The following CHD5 variants were observed in gnomAD, a reference collection of about 807,000 sequenced individuals.
The protein encoded by CHD5 is ATP-dependent chromatin remodeler CHD5.
A neutral mutation model predicts 230.3 loss-of-function variants in CHD5; 69 were observed. That is an observed-to-expected ratio of 0.30 (90% CI 0.25 to 0.37). The LOEUF is 0.37. Ranked by LOEUF, CHD5 falls within the 10% of genes least tolerant of loss-of-function variation. The pLI, the probability that CHD5 is intolerant of heterozygous loss-of-function variation, is 1.00. For missense variants in CHD5, 1,827 were observed against 2,622.8 expected, an observed-to-expected ratio of 0.70 and a Z score of 6.63; for synonymous variants, 1,064 against 1,065.9, an observed-to-expected ratio of 1.00 and a Z score of 0.03.
At position 6,170,923 on chromosome 1, in the gene CHD5, G is replaced by A. The variant is rs545831811; in HGVS notation, c.80-2646C>T. On this transcript the variant is annotated intron_variant, in intron 1 of 41. Coordinates refer to ENST00000262450, the MANE Select transcript of CHD5 (RefSeq NM_015557.3). ...CCACAACTGCCCGCTCTGCCACCGGGCCTCCGCCTCCCCCGCCACCGCAGG... is the reference window on the plus strand; with the variant it reads ...CCACAACTGCCCGCTCTGCCACCGGACCTCCGCCTCCCCCGCCACCGCAGG... Among the ~76,000 whole-genome samples the A allele has an allele frequency of 2.6e-3, 397 of 152,312 alleles. 2 individuals are homozygous for A. The highest frequency in any genetic ancestry group is 4.5e-3 in the Non-Finnish European group (303 of 68,020).
At chr1:6,170,765 C>G (rs574462564) in intron 1 of CHD5, among the ~76,000 whole-genome samples, 3 of 152,214 alleles carry the variant, frequency 2.0e-5, no homozygotes, top group Non-Finnish European at 1.5e-5. Flanking sequence ...TGTGGAAAGG[C>G]GGGGATTTTT....
At chr1:6,119,986 G>A (rs1666444056) in intron 33 of CHD5, among the ~76,000 whole-genome samples, 1 of 151,664 alleles carries the variant, frequency 6.6e-6, no homozygotes, top group Admixed American at 6.6e-5. Context: ...TCAGTCTCCT[G>A]AGTAGCTGGG....
At chr1:6,160,620 G>C (rs1667161167) in intron 2 of CHD5, among the ~76,000 whole-genome samples, 1 of 152,282 alleles carries the variant, frequency 6.6e-6, no homozygotes, top group African/African-American at 2.4e-5. Context: ...AATTAATGCA[G>C]CAGGCACATC....
At position 6,155,600 on chromosome 1, in the gene CHD5, T is replaced by G; in HGVS notation, c.505A>C (p.Arg169=). ...GAACAGCCCTAGTGCCCCGCCCACC[T>G]GAGGAACTGGCTGAAGGCCTTGTAG... ...TNYKAFSQFL[R]PLIAKKNPKI... is the part of the protein sequence containing the mutation. The change falls in exon 4 of 42, where the codon AGG becomes CGG. Residue 169 remains arginine, a splice_region_variant and synonymous_variant. Coordinates refer to ENST00000262450, the MANE Select transcript of CHD5 (RefSeq NM_015557.3). This position sits in a 1 kb window ranked among gnomAD's most constrained non-coding sequence, Gnocchi z 4.0. The G allele has an allele frequency of 1.2e-6, 2 of 1,611,720 alleles. No individual in the cohort carries two copies. Among genetic ancestry groups the G allele is most frequent in the Non-Finnish European group, 1.7e-6 (2 of 1,177,944 alleles).
chr1:6,168,476 C>A (rs1667288237), intron 1 of CHD5, among the ~76,000 whole-genome samples, 199 bp from the exon 2 acceptor site: 1 of 152,242 alleles, frequency 6.6e-6, no homozygotes, highest in Admixed American at 6.5e-5. Context: ...TGTGACATCA[C>A]CTCACCTCCA....
At position 6,106,925 on chromosome 1, in the gene CHD5, G is replaced by A. The variant is rs1368004308; in HGVS notation, c.5579-146C>T. 21 of 315,122 alleles carry A rather than the reference G, an allele frequency of 6.7e-5. No individual in the cohort carries two copies. In the East Asian group the frequency reaches 1.3e-3, roughly 20 times the overall value. The allele number at this position is 315,122 out of a possible 1,614,324, so 19.5% of individuals were successfully genotyped here. ...AGGGATGGAAGGATGGAGGGATGGAGGGGTGGAGGGGTGGAGGGATGGAGG... is the reference window on the plus strand; with the variant it reads ...AGGGATGGAAGGATGGAGGGATGGAAGGGTGGAGGGGTGGAGGGATGGAGG... On this transcript the variant is annotated intron_variant, in intron 38 of 41. Transcript: ENST00000262450.
chr1:6,152,392 GCACACACGCA>G lies in CHD5; in HGVS notation c.870+10_870+19del. ...CATGCATGCAAATGCACACACACGC[GCACACACGCA>G]CACACTCACCGAGGAGCCTTTCTTC... On this transcript the variant is annotated intron_variant, in intron 6 of 41. Coordinates refer to ENST00000262450, the MANE Select transcript of CHD5 (RefSeq NM_015557.3). 1 of 1,606,778 alleles carries G rather than the reference GCACACACGCA, an allele frequency of 6.2e-7. No individual in the cohort carries two copies. Among genetic ancestry groups the G allele is most frequent in the Non-Finnish European group, 8.5e-7 (1 of 1,176,338 alleles).
At chr1:6,119,996 G>C (rs1368974459) in intron 33 of CHD5, among the ~76,000 whole-genome samples, 3 of 151,834 alleles carry the variant, frequency 2.0e-5, no homozygotes, top group Non-Finnish European at 2.9e-5. Flanking sequence ...GAGTAGCTGG[G>C]ACTACAGGTG....
At chr1:6,124,434 T>G in intron 30 of CHD5, 83 bp downstream of exon 30, 1 of 1,498,364 alleles carries the variant, frequency 6.7e-7, no homozygotes, top group African/African-American at 1.4e-5. Context: ...AGGCACTTGT[T>G]CTCTGACCAC....
chr1:6,134,675 T>C lies in CHD5; in HGVS notation c.3012+43A>G, dbSNP rs1666712272. 3 of 1,597,220 alleles carry C rather than the reference T, an allele frequency of 1.9e-6. No individual in the cohort carries two copies. Among genetic ancestry groups the C allele is most frequent in the Non-Finnish European group, 2.6e-6 (3 of 1,174,154 alleles). ...CCATGGCGGCCACAGGCACCTACCA[T>C]GGCGGTCATGGAGAAGCTGCCATGA... On this transcript the variant is annotated intron_variant, in intron 19 of 41. Transcript: ENST00000262450. This position sits in a 1 kb window ranked among gnomAD's most constrained non-coding sequence, Gnocchi z 6.3.
At chr1:6,115,026 G>A (rs935114199) in intron 33 of CHD5, among the ~76,000 whole-genome samples, 18 of 131,856 alleles carry the variant, frequency 1.4e-4, no homozygotes, top group African/African-American at 3.7e-4. Context: ...AAAAAAAAAA[G>A]GGGGGGGCAG....
rs74051704 is a variant in CHD5, at chr1:6,116,614, C to T, written c.4913-3616G>A. ...GCAATTACACCAACAGCAGCCTTCTCAGCTTCTCAGCAGCCTTCTCAGCAT... is the reference window on the plus strand; with the variant it reads ...GCAATTACACCAACAGCAGCCTTCTTAGCTTCTCAGCAGCCTTCTCAGCAT... On this transcript the variant is annotated intron_variant, in intron 33 of 41. Transcript: ENST00000262450. Among the ~76,000 whole-genome samples the T allele has an allele frequency of 3.3e-3, 505 of 152,346 alleles. 3 individuals are homozygous for T. The highest frequency in any genetic ancestry group is 0.012 in the African/African-American group (490 of 41,572).
rs1186993989 is a variant in CHD5, at chr1:6,125,105, C to G, written c.4389G>C (p.Glu1463Asp). The change falls in exon 29 of 42, where the codon GAG (glutamate) becomes GAC (aspartate). Residue 1463 changes from glutamate (E) to aspartate (D), a missense_variant. Around this residue, in one of 14 missense-constraint regions of CHD5, gnomAD observed 108 missense variants for 152.4 expected, o/e 0.71. Coordinates refer to ENST00000262450, the MANE Select transcript of CHD5 (RefSeq NM_015557.3). This position sits in a 1 kb window ranked among gnomAD's most constrained non-coding sequence, Gnocchi z 6.7. ...VRDLRGKSEK[E>D]FRAYVSLFMR... is the part of the protein sequence containing the mutation. ...CCACCACCTAGCCCCTTTACCTAAA[C>G]TCCTTCTCGCTCTTCCCTCGAAGGT... The G allele has an allele frequency of 6.3e-7, 1 of 1,587,886 alleles. No homozygotes were observed. The highest frequency in any genetic ancestry group is 2.3e-5 in the East Asian group (1 of 43,796).
chr1:6,174,146 G>A (rs1667382641), intron 1 of CHD5, among the ~76,000 whole-genome samples: 1 of 151,618 alleles, frequency 6.6e-6, no homozygotes, highest in South Asian at 2.1e-4. Flanking sequence ...GACAGGGAGG[G>A]ACAAAAGAGA....
chr1:6,159,647 C>T, intron 2 of CHD5, 132 bp from the exon 3 acceptor site: 1 of 714,368 alleles, frequency 1.4e-6, no homozygotes, highest in Non-Finnish European at 2.3e-6. Context: ...CTCCACTCAT[C>T]ATCAGAGGCC....
chr1:6,162,818 C>T (rs186039515), intron 2 of CHD5, among the ~76,000 whole-genome samples: 13 of 152,302 alleles, frequency 8.5e-5, no homozygotes, highest in Admixed American at 4.6e-4. Context: ...GCAGCTGGGG[C>T]GAGACGCGGT....
chr1:6,112,435 C>T (rs1020833770), intron 34 of CHD5, among the ~76,000 whole-genome samples, 158 bp from the exon 35 acceptor site: 1 of 152,162 alleles, frequency 6.6e-6, no homozygotes, highest in Non-Finnish European at 1.5e-5. Context: ...AAGCCAACGG[C>T]CTCTCTCTCT....
intron 3 of CHD5, among the ~76,000 whole-genome samples, chr1:6,156,644 G>A (rs1667085666): frequency 6.6e-6 from 1 of 152,198 alleles, no homozygotes; most frequent in Admixed American, 6.5e-5. Context: ...AAAGGAAAGT[G>A]CACTCTGCTG....
intron 7 of CHD5, among the ~76,000 whole-genome samples, chr1:6,150,459 TGGATGGAC>T (rs1196262161): frequency 2.1e-3 from 310 of 144,482 alleles, no homozygotes; most frequent in African/African-American, 7.1e-3. Flanking sequence ...GATGGATGGA[TGGATGGAC>T]GGACGGACGG....
Sources: allele counts gnomAD v4.1 joint callset (sites outside exome capture counted in the v4.1 genomes callset), GRCh38; gene constraint gnomAD v4.1.1; regional missense constraint gnomAD v4.1.1; non-coding constraint Gnocchi (gnomAD v3.1); transcripts MANE v1.5; gene names NCBI Gene and HGNC (gene_info 2026-07-23, HGNC 2026-07-21).